Variants in SGCZ observed in about 807,000 individuals in gnomAD.
SGCZ encodes zeta-sarcoglycan.
A neutral mutation model predicts 41.3 loss-of-function variants in SGCZ; 40 were observed. The ratio of observed to expected loss-of-function variants is 0.97; its 90% CI spans 0.75 to 1.26. SGCZ has a LOEUF of 1.26. Among genes scored for constraint, SGCZ ranks in the 50% most tolerant of loss-of-function variants. The probability of loss-of-function intolerance (pLI) is 0.00; values close to 1 mark genes in which losing one functional copy is unlikely to be tolerated. For synonymous variants in SGCZ, 206 were observed against 137.5 expected (o/e 1.50, Z -3.49); for missense variants, 552 against 369.8 (o/e 1.49, Z -4.04).
At chr8:14,735,288 T>C (rs1306186626) in intron 1 of SGCZ, among the ~76,000 whole-genome samples, 1 of 152,044 alleles carries the variant, frequency 6.6e-6, no homozygotes, top group Non-Finnish European at 1.5e-5. Flanking sequence ...ACAGAGGAGA[T>C]TAATATTTGA....
intron 1 of SGCZ, among the ~76,000 whole-genome samples, chr8:14,563,611 G>C (rs987958254): frequency 4.6e-5 from 7 of 152,190 alleles, no homozygotes; most frequent in Non-Finnish European, 1.0e-4. Flanking sequence ...TTATAACCCT[G>C]TAAGTGTAGG....
At chr8:14,782,100 C>T (rs1336189176) in intron 1 of SGCZ, among the ~76,000 whole-genome samples, 1 of 152,162 alleles carries the variant, frequency 6.6e-6, no homozygotes, top group Non-Finnish European at 1.5e-5. Flanking sequence ...CAAATCACTT[C>T]ACCCATTTGA....
intron 4 of SGCZ, among the ~76,000 whole-genome samples, chr8:14,222,224 G>A (rs932169714): frequency 1.3e-5 from 2 of 152,006 alleles, no homozygotes; most frequent in Admixed American, 6.6e-5. Flanking sequence ...AGGCTGGAGT[G>A]CAGTGGCGCA....
chr8:14,085,523 T>G lies in SGCZ; in HGVS notation c.*4920A>C, dbSNP rs1245694739. On this transcript the variant is annotated 3_prime_UTR_variant, in exon 8 of 8. Coordinates refer to ENST00000382080, the MANE Select transcript of SGCZ (RefSeq NM_139167.4). ...TCTCATTTCCTTTAATGGTTTTCAT[T>G]GGCTTTCTCAAAATGCAGAGCCACC... Among the ~76,000 whole-genome samples, 2 of 151,784 alleles carry G rather than the reference T, an allele frequency of 1.3e-5. No homozygotes were observed. The highest frequency in any genetic ancestry group is 4.8e-5 in the African/African-American group (2 of 41,418).
chr8:15,005,764 A>T (rs1012047820), intron 1 of SGCZ, among the ~76,000 whole-genome samples: 1 of 152,148 alleles, frequency 6.6e-6, no homozygotes, highest in Non-Finnish European at 1.5e-5. Flanking sequence ...TAACCTTATT[A>T]TCAAAAGACT....
chr8:14,667,235 C>T (rs756792512), intron 1 of SGCZ, among the ~76,000 whole-genome samples: 1 of 152,154 alleles, frequency 6.6e-6, no homozygotes, highest in Non-Finnish European at 1.5e-5. Context: ...ACTAATTTCT[C>T]AGGATTATTC....
intron 4 of SGCZ, among the ~76,000 whole-genome samples, chr8:14,216,845 G>A (rs1806009854): frequency 6.6e-6 from 1 of 152,176 alleles, no homozygotes; most frequent in African/African-American, 2.4e-5. Context: ...AGTCATGTAA[G>A]TCCTAACATT....
intron 2 of SGCZ, among the ~76,000 whole-genome samples, chr8:14,460,444 T>A (rs1304027028): frequency 6.6e-6 from 1 of 152,182 alleles, no homozygotes; most frequent in Non-Finnish European, 1.5e-5. Flanking sequence ...GAGAGCAGTT[T>A]TCACTGGGTG....
intron 2 of SGCZ, among the ~76,000 whole-genome samples, chr8:14,504,509 T>C (rs1446085367): frequency 6.6e-6 from 1 of 152,226 alleles, no homozygotes; most frequent in Admixed American, 6.5e-5. Context: ...TTTATTTATA[T>C]TTGTCATAGA....
chr8:14,503,550 A>G (rs766693005), intron 2 of SGCZ, among the ~76,000 whole-genome samples: 2 of 152,144 alleles, frequency 1.3e-5, no homozygotes, highest in Non-Finnish European at 2.9e-5. Context: ...CAGGCAAATC[A>G]TGAGTTCAAG....
intron 2 of SGCZ, among the ~76,000 whole-genome samples, chr8:14,435,454 G>A (rs62499696): frequency 1.3e-5 from 2 of 151,994 alleles, no homozygotes; most frequent in South Asian, 2.1e-4. Flanking sequence ...CCCTTCTCTT[G>A]AATTTTTTTC....
intron 1 of SGCZ, among the ~76,000 whole-genome samples, chr8:14,761,983 A>T (rs898714283): frequency 2.6e-5 from 4 of 152,126 alleles, no homozygotes; most frequent in Non-Finnish European, 5.9e-5. Flanking sequence ...ATGCTAACAC[A>T]GGGTTCAGTA....
intron 1 of SGCZ, among the ~76,000 whole-genome samples, chr8:14,853,120 G>A (rs577000064): frequency 6.6e-6 from 1 of 152,244 alleles, no homozygotes; most frequent in East Asian, 1.9e-4. Context: ...ATTAAAGCAT[G>A]CATATAAAAC....
At chr8:14,501,474 T>G (rs1164668120) in intron 2 of SGCZ, among the ~76,000 whole-genome samples, 2 of 152,066 alleles carry the variant, frequency 1.3e-5, no homozygotes, top group Non-Finnish European at 2.9e-5. Context: ...AATATTGACA[T>G]ATACCATATA....
chr8:14,974,483 G>A (rs1164118903), intron 1 of SGCZ, among the ~76,000 whole-genome samples: 1 of 152,104 alleles, frequency 6.6e-6, no homozygotes, highest in African/African-American at 2.4e-5. Flanking sequence ...GCATTTCCTA[G>A]GTGCTAGCTT....
At chr8:14,358,150 T>G (rs765468982) in intron 2 of SGCZ, among the ~76,000 whole-genome samples, 6 of 152,190 alleles carry the variant, frequency 3.9e-5, no homozygotes, top group Non-Finnish European at 8.8e-5. Flanking sequence ...TTTAATTCCA[T>G]GTAATTGGTT....
At chr8:14,594,100 G>A (rs1480243229) in intron 1 of SGCZ, among the ~76,000 whole-genome samples, 8 of 151,712 alleles carry the variant, frequency 5.3e-5, no homozygotes, top group African/African-American at 1.5e-4. Context: ...GCTTCAGCCC[G>A]GGAGGTGGAG....
intron 2 of SGCZ, among the ~76,000 whole-genome samples, chr8:14,384,721 G>A (rs1231457893): frequency 3.9e-5 from 6 of 152,000 alleles, no homozygotes; most frequent in East Asian, 1.9e-4. Flanking sequence ...CACCATACCC[G>A]GCTAATTTTT....
intron 1 of SGCZ, among the ~76,000 whole-genome samples, chr8:14,836,099 C>T (rs1045216317): frequency 6.6e-6 from 1 of 151,996 alleles, no homozygotes; most frequent in Non-Finnish European, 1.5e-5. Context: ...TCACACATTG[C>T]CCCCATCATT....
Sources: gnomAD v4.1 joint callset for allele counts (sites outside exome capture counted in the v4.1 genomes callset) on GRCh38, gnomAD v4.1.1 for gene constraint, MANE v1.5 for transcripts, NCBI Gene and HGNC (gene_info 2026-07-23, HGNC 2026-07-21) for gene names.